Variants in EXOC7 observed in about 807,000 individuals in gnomAD.
EXOC7 encodes the protein exocyst complex component Exo70.
Under a neutral mutation model 87.6 loss-of-function variants are expected in EXOC7, and 51 were observed. The ratio of observed to expected loss-of-function variants is 0.58; its 90% CI spans 0.46 to 0.73. The LOEUF (loss-of-function observed/expected upper bound fraction) is 0.73, where lower values mean the gene tolerates loss of function less well. EXOC7 is among the 30% of genes least tolerant of loss of function. EXOC7 has a pLI of 0.00. For synonymous variants in EXOC7, 327 were observed against 357.1 expected (o/e 0.92, Z 0.95); for missense variants, 744 against 888.4 (o/e 0.84, Z 2.07).
At chr17:76,089,517 C>T in intron 7 of EXOC7, 197 bp from the exon 8 acceptor site, 2 of 633,670 alleles carry the variant, frequency 3.2e-6, no homozygotes, top group Non-Finnish European at 5.4e-6. Context: ...GAGCTGAGCC[C>T]AGCCTTTGTT....
rs2144661718 is a variant in EXOC7 at position 76,094,508 on chromosome 17, G to C, written c.714C>G (p.Phe238Leu). The C allele has an allele frequency of 6.2e-7, 1 of 1,614,086 alleles. No homozygotes were observed. Among genetic ancestry groups the C allele is most frequent in the African/African-American group, 1.3e-5 (1 of 75,024 alleles). ...CCCCAGAGGAAGAACTGCTCTTATG[G>C]AAATGCTCCTTCAGTCCTTTGATGG... ...DRSIKGLKEHFHKSSSSSGVP... is the reference protein window; with the variant it reads ...DRSIKGLKEHLHKSSSSSGVP... The change falls in exon 6 of 19, where the codon TTC becomes TTG. Residue 238 changes from phenylalanine (F) to leucine (L), a missense_variant. Phe to Leu is a conservative substitution (Grantham distance 22, BLOSUM62 0). Around this residue, in one of 3 missense-constraint regions of EXOC7, gnomAD observed 512 missense variants for 573.0 expected, o/e 0.89. Transcript: ENST00000589210.
chr17:76,095,558 T>C (rs182552536), intron 5 of EXOC7, among the ~76,000 whole-genome samples: 11 of 152,230 alleles, frequency 7.2e-5, no homozygotes, highest in Admixed American at 5.2e-4. Flanking sequence ...CAAATGTCAG[T>C]GAATGAAAAA....
chr17:76,088,254 C>A (rs138603963), intron 10 of EXOC7, 132 bp from the exon 11 acceptor site: 1 of 1,073,210 alleles, frequency 9.3e-7, no homozygotes, highest in Admixed American at 2.0e-5. Context: ...CTGAGCCAGG[C>A]TGGACCAAGG....
At chr17:76,087,559 TG>T in intron 12 of EXOC7, 94 bp downstream of exon 12, 1 of 1,263,818 alleles carries the variant, frequency 7.9e-7, no homozygotes, top group Non-Finnish European at 1.1e-6. Context: ...CTCCACAGAC[TG>T]GAGATACCTC....
intron 12 of EXOC7, chr17:76,086,711 C>T (rs1307496213): frequency 5.9e-6 from 4 of 683,346 alleles, no homozygotes; most frequent in Non-Finnish European, 1.0e-5. Context: ...TTGAAGGGAG[C>T]AGAGAGAGTT....
At chr17:76,090,374 T>G in intron 7 of EXOC7, 1 of 1,551,644 alleles carries the variant, frequency 6.4e-7, no homozygotes, top group Non-Finnish European at 8.7e-7. Context: ...GACAGGTGCT[T>G]AACTCGGAAA....
At chr17:76,085,450 G>A (rs758065806) in intron 14 of EXOC7, 41 bp from the exon 15 acceptor site, 1 of 1,565,336 alleles carries the variant, frequency 6.4e-7, no homozygotes, top group East Asian at 2.3e-5. Flanking sequence ...GGACAGGATT[G>A]GCTCCTCAGG....
intron 15 of EXOC7, 122 bp from the exon 16 acceptor site, chr17:76,084,702 A>G: frequency 1.4e-6 from 1 of 736,548 alleles, no homozygotes; most frequent in South Asian, 1.8e-5. Flanking sequence ...TGTGGGTCAC[A>G]ACTAAGCAAA....
At position 76,081,362 on chromosome 17, in the gene EXOC7, A is replaced by C. The variant is rs1202884783; in HGVS notation, c.*2286T>G. 1 of 1,614,148 alleles carries C rather than the reference A, an allele frequency of 6.2e-7. No homozygotes were observed. Among genetic ancestry groups the C allele is most frequent in the Non-Finnish European group, 8.5e-7 (1 of 1,180,032 alleles). Reference sequence around the variant, plus strand: ...TACGTAGTTTATGATCTGAAGACCCAAGTCCCACCCCAGCAGCTGGTGCCC... The same window carrying C: ...TACGTAGTTTATGATCTGAAGACCCCAGTCCCACCCCAGCAGCTGGTGCCC... On this transcript the variant is annotated 3_prime_UTR_variant, in exon 19 of 19. Coordinates refer to ENST00000589210, the MANE Select transcript of EXOC7 (RefSeq NM_001013839.4).
chr17:76,087,451 G>A, intron 12 of EXOC7: 2 of 591,948 alleles, frequency 3.4e-6, no homozygotes, highest in South Asian at 4.3e-5. Context: ...GGCTGAGGGA[G>A]GGGCCAGAGG....
At chr17:76,096,401 G>T (rs1343509868) in intron 5 of EXOC7, among the ~76,000 whole-genome samples, 1 of 151,232 alleles carries the variant, frequency 6.6e-6, no homozygotes, top group Non-Finnish European at 1.5e-5. Context: ...TGTAACCCCA[G>T]CTACTTGGGA....
At chr17:76,103,454 C>G (rs377219843) in intron 1 of EXOC7, 28 bp from the exon 2 acceptor site, 4 of 1,579,460 alleles carry the variant, frequency 2.5e-6, no homozygotes, top group Non-Finnish European at 3.4e-6. Flanking sequence ...GAGGACATCA[C>G]CAGAAACCAG....
intron 12 of EXOC7, chr17:76,086,725 A>G: frequency 1.3e-6 from 1 of 746,778 alleles, no homozygotes; most frequent in South Asian, 1.7e-5. Context: ...GAGAGTTGAG[A>G]GCACCCCGAG....
chr17:76,101,593 C>A (rs2068064531), intron 3 of EXOC7, 86 bp downstream of exon 3: 7 of 1,476,722 alleles, frequency 4.7e-6, no homozygotes, highest in Non-Finnish European at 4.6e-6. Context: ...CCCACCTCAG[C>A]CTCCCAAATT....
At position 76,083,119 on chromosome 17, in the gene EXOC7, G is replaced by A. The variant is rs569741552; in HGVS notation, c.*529C>T. On this transcript the variant is annotated 3_prime_UTR_variant, in exon 19 of 19. Transcript: ENST00000589210. The stretch of plus-strand genomic sequence containing the variant: ...TGAGCCTGCCTCCCCCAGCCACCTA[G>A]GGGACTCCTGGGAGGGAAAGGTCCC... The A allele has an allele frequency of 8.3e-5, 14 of 168,322 alleles. No homozygotes were observed. The South Asian group carries it at 2.0e-3, about 24-fold the overall frequency. The allele number at this position is 168,322 out of a possible 1,614,324, so 10.4% of individuals were successfully genotyped here. A position where few individuals can be genotyped will look rare whatever the true frequency, so the allele number is the denominator to read the frequency against.
rs561295093 is a variant in EXOC7 at position 76,082,068 on chromosome 17, G to A, written c.*1580C>T. 1 of 1,585,930 alleles carries A rather than the reference G, an allele frequency of 6.3e-7. No individual in the cohort carries two copies. The highest frequency in any genetic ancestry group is 1.1e-5 in the South Asian group (1 of 88,212). ...GCTGAAGGTGGGCAGGGGCTGGGGG[G>A]TAAGGAATGAGGCCTAGGTGCACAC... On this transcript the variant is annotated 3_prime_UTR_variant, in exon 19 of 19. Coordinates refer to ENST00000589210, the MANE Select transcript of EXOC7 (RefSeq NM_001013839.4).
intron 6 of EXOC7, among the ~76,000 whole-genome samples, chr17:76,091,964 G>A (rs903332010): frequency 1.3e-5 from 2 of 152,202 alleles, no homozygotes; most frequent in African/African-American, 4.8e-5. Context: ...ACAATAGTTA[G>A]TATCACAAGT....
chr17:76,086,664 G>A (rs1437506331), intron 12 of EXOC7, among the ~76,000 whole-genome samples: 1 of 152,106 alleles, frequency 6.6e-6, no homozygotes, highest in African/African-American at 2.4e-5. Flanking sequence ...CTCTAGCCTG[G>A]GCAGGTGCTG....
At chr17:76,102,375 G>C (rs1035362989) in intron 2 of EXOC7, among the ~76,000 whole-genome samples, 2 of 151,660 alleles carry the variant, frequency 1.3e-5, no homozygotes, top group Admixed American at 1.3e-4. Context: ...AGGAGTTCAA[G>C]ACAAGCCTGG....
Sources: allele counts gnomAD v4.1 joint callset (sites outside exome capture counted in the v4.1 genomes callset), GRCh38; gene constraint gnomAD v4.1.1; regional missense constraint gnomAD v4.1.1; transcripts MANE v1.5; gene names NCBI Gene and HGNC (gene_info 2026-07-23, HGNC 2026-07-21).